The following SORCS3 variants were observed in gnomAD, a reference collection of about 807,000 sequenced individuals.
The protein encoded by SORCS3 is VPS10 domain-containing receptor SorCS3.
A neutral mutation model predicts 146.3 loss-of-function variants in SORCS3; 57 were observed. That is an observed-to-expected ratio of 0.39 (90% CI 0.31 to 0.49). SORCS3 has a LOEUF of 0.49. Ranked by LOEUF, SORCS3 falls within the 20% of genes least tolerant of loss-of-function variation. The pLI is 0.92. For missense variants in SORCS3, 1,341 were observed against 1,575.5 expected, an observed-to-expected ratio of 0.85 and a Z score of 2.52; for synonymous variants, 653 against 618.5, an observed-to-expected ratio of 1.06 and a Z score of -0.83.
intron 14 of SORCS3, among the ~76,000 whole-genome samples, chr10:105,190,587 C>A (rs998402109): frequency 1.3e-5 from 2 of 151,964 alleles, no homozygotes; most frequent in African/African-American, 4.8e-5. Flanking sequence ...TTGGTAGAGA[C>A]GGGACGGGGT....
At chr10:104,781,669 T>G (rs1237143279) in intron 1 of SORCS3, among the ~76,000 whole-genome samples, 1 of 152,212 alleles carries the variant, frequency 6.6e-6, no homozygotes, top group Non-Finnish European at 1.5e-5. Context: ...GTATATTAAG[T>G]ATATTTACTG....
chr10:104,713,916 G>T (rs2016447726), intron 1 of SORCS3, among the ~76,000 whole-genome samples: 1 of 152,090 alleles, frequency 6.6e-6, no homozygotes, highest in Non-Finnish European at 1.5e-5. Flanking sequence ...GTTTATTATT[G>T]ACTCAATTTC....
intron 23 of SORCS3, among the ~76,000 whole-genome samples, chr10:105,255,084 A>G (rs1309448622): frequency 1.4e-5 from 2 of 145,980 alleles, no homozygotes; most frequent in East Asian, 4.3e-4. Context: ...GCTACTCAGG[A>G]GGCTGAGGCA....
chr10:104,692,332 T>C lies in SORCS3; in HGVS notation c.627+50378T>C, dbSNP rs1317418427. 2.6e-5 allele frequency among the ~76,000 whole-genome samples: 4 copies of C among 152,068 alleles called. No homozygotes were observed. In the East Asian group the frequency reaches 7.7e-4, roughly 29 times the overall value. On this transcript the variant is annotated intron_variant, in intron 1 of 26. Coordinates refer to ENST00000369701, the MANE Select transcript of SORCS3 (RefSeq NM_014978.3). ...TTCTCGTCATGTGTCTGTGCCACAG[T>C]GCCTCAGTGGTCAAGGGCAGCTTTA...
chr10:104,915,155 G>A (rs1326347380), intron 2 of SORCS3, among the ~76,000 whole-genome samples: 1 of 152,136 alleles, frequency 6.6e-6, no homozygotes, highest in Non-Finnish European at 1.5e-5. Flanking sequence ...TCAGTGTGCT[G>A]GAAAGGAGGA....
intron 14 of SORCS3, among the ~76,000 whole-genome samples, chr10:105,180,481 G>A (rs2056436583): frequency 6.6e-6 from 1 of 152,220 alleles, no homozygotes; most frequent in African/African-American, 2.4e-5. Context: ...TAAGAACCAT[G>A]AAAGAGGGTG....
rs758023252 is a variant in SORCS3, at chr10:104,794,240, T to A, written c.628-48552T>A. On this transcript the variant is annotated intron_variant, in intron 1 of 26. Coordinates refer to ENST00000369701, the MANE Select transcript of SORCS3 (RefSeq NM_014978.3). ...ACCCGTATTTTTGTCAGGCCTCGTG[T>A]CCAGGTTTTTGGTTTGGAAAATATG... Among the ~76,000 whole-genome samples the A allele has an allele frequency of 3.6e-4, 55 of 152,180 alleles. 1 individual carries two copies. The highest frequency in any genetic ancestry group is 1.8e-3 in the Admixed American group (28 of 15,276).
At chr10:105,239,114 GT>G (rs1487539194) in intron 20 of SORCS3, among the ~76,000 whole-genome samples, 1 of 152,046 alleles carries the variant, frequency 6.6e-6, no homozygotes, top group Non-Finnish European at 1.5e-5. Context: ...TATATCACTA[GT>G]TTAGTTGAGT....
rs552687564 is a variant in SORCS3, at chr10:104,923,774, G to A, written c.795+7842G>A. Reference sequence around the variant, plus strand: ...TCTGTGAGCCTTTCTTTTTCTCTTCGTAACATGTGCATAATAACCTGTCTG... The same window carrying A: ...TCTGTGAGCCTTTCTTTTTCTCTTCATAACATGTGCATAATAACCTGTCTG... On this transcript the variant is annotated intron_variant, in intron 3 of 26. Transcript: ENST00000369701. Among the ~76,000 whole-genome samples, 13 of 152,174 alleles carry A rather than the reference G, an allele frequency of 8.5e-5. No homozygotes were observed. The South Asian group carries it at 1.0e-3, about 12-fold the overall frequency.
intron 1 of SORCS3, among the ~76,000 whole-genome samples, chr10:104,643,879 A>G (rs1273019702): frequency 6.6e-6 from 1 of 151,822 alleles, no homozygotes; most frequent in Non-Finnish European, 1.5e-5. Context: ...ATATAAATTC[A>G]CCCTCCCTGA....
At chr10:104,654,020 T>A (rs2015594971) in intron 1 of SORCS3, among the ~76,000 whole-genome samples, 2 of 152,150 alleles carry the variant, frequency 1.3e-5, no homozygotes, top group African/African-American at 4.8e-5. Flanking sequence ...TTGTTTTCAT[T>A]TTTAGACGCC....
At chr10:104,751,652 T>C (rs1233993125) in intron 1 of SORCS3, among the ~76,000 whole-genome samples, 1 of 152,042 alleles carries the variant, frequency 6.6e-6, no homozygotes, top group African/African-American at 2.4e-5. Flanking sequence ...TTCACTCAGC[T>C]GTGAAATGAG....
chr10:105,067,793 C>T (rs998910804), intron 5 of SORCS3, among the ~76,000 whole-genome samples: 2 of 152,134 alleles, frequency 1.3e-5, no homozygotes, highest in Non-Finnish European at 2.9e-5. Context: ...CGGTTGTCTA[C>T]TTCCTTCAGG....
intron 1 of SORCS3, among the ~76,000 whole-genome samples, chr10:104,764,133 A>G (rs2017154031): frequency 6.6e-6 from 1 of 152,172 alleles, no homozygotes; most frequent in South Asian, 2.1e-4. Flanking sequence ...AACTTATAAT[A>G]AACTTCATAA....
intron 20 of SORCS3, among the ~76,000 whole-genome samples, chr10:105,229,423 T>A (rs950177953): frequency 9.2e-5 from 14 of 152,194 alleles, no homozygotes; most frequent in African/African-American, 3.4e-4. Flanking sequence ...TCTTGCTTTT[T>A]AAAATGTTTT....
rs565026881 is a variant in SORCS3 at position 104,943,965 on chromosome 10, G to A, written c.795+28033G>A. ...ATGGGGTCTTGCTCTGTTGCCTAGGGTGGAGTGAAGTGGCATGGTCATAGC... is the reference window on the plus strand; with the variant it reads ...ATGGGGTCTTGCTCTGTTGCCTAGGATGGAGTGAAGTGGCATGGTCATAGC... On this transcript the variant is annotated intron_variant, in intron 3 of 26. Coordinates refer to ENST00000369701, the MANE Select transcript of SORCS3 (RefSeq NM_014978.3). Among the ~76,000 whole-genome samples the A allele has an allele frequency of 1.7e-4, 26 of 152,082 alleles. No individual in the cohort carries two copies. In the East Asian group the frequency reaches 4.2e-3, roughly 25 times the overall value.
At chr10:104,760,631 C>A (rs2017109469) in intron 1 of SORCS3, among the ~76,000 whole-genome samples, 2 of 152,066 alleles carry the variant, frequency 1.3e-5, no homozygotes, top group Non-Finnish European at 2.9e-5. Context: ...CAGTTCCTAG[C>A]AAATTTAGAG....
chr10:104,896,014 A>G (rs1162018875), intron 2 of SORCS3, among the ~76,000 whole-genome samples: 1 of 152,224 alleles, frequency 6.6e-6, no homozygotes, highest in Non-Finnish European at 1.5e-5. Flanking sequence ...CTCCCTTTAT[A>G]TACATATATA....
intron 1 of SORCS3, among the ~76,000 whole-genome samples, chr10:104,696,552 G>T (rs185469849): frequency 0.024 from 684 of 28,182 alleles, 88 homozygotes; most frequent in African/African-American, 0.072. Flanking sequence ...ATATAATATA[G>T]AATATATAAT....
Sources: allele counts gnomAD v4.1 joint callset (sites outside exome capture counted in the v4.1 genomes callset), GRCh38; gene constraint gnomAD v4.1.1; transcripts MANE v1.5; gene names NCBI Gene and HGNC (gene_info 2026-07-23, HGNC 2026-07-21).